Variants in DEPDC5 observed in about 807,000 individuals in gnomAD.
DEPDC5 encodes the protein GATOR1 complex protein DEPDC5.
Under a neutral mutation model 217.3 loss-of-function variants are expected in DEPDC5, and 73 were observed. The ratio of observed to expected loss-of-function variants is 0.34; its 90% CI spans 0.28 to 0.41. The LOEUF (loss-of-function observed/expected upper bound fraction) is 0.41, where lower values mean the gene tolerates loss of function less well. DEPDC5 is among the 10% of genes least tolerant of loss of function. The pLI is 1.00. For synonymous variants in DEPDC5, 733 were observed against 756.7 expected (o/e 0.97, Z 0.51); for missense variants, 1,675 against 2,070.1 (o/e 0.81, Z 3.70).
At chr22:31,861,979 C>T (rs577109294) in intron 33 of DEPDC5, among the ~76,000 whole-genome samples, 10 of 152,366 alleles carry the variant, frequency 6.6e-5, no homozygotes, top group African/African-American at 2.4e-4. Context: ...TGGCTCACGC[C>T]TGTAATCCCA....
At chr22:31,766,327 A>C (rs1279782173) in intron 5 of DEPDC5, among the ~76,000 whole-genome samples, 1 of 152,198 alleles carries the variant, frequency 6.6e-6, no homozygotes, top group Non-Finnish European at 1.5e-5. Flanking sequence ...TCCAGACTAA[A>C]ATACAGAATG....
intron 24 of DEPDC5, among the ~76,000 whole-genome samples, chr22:31,830,630 C>CGTGTGTGTGTGTGTGT (rs34078350): frequency 2.5e-4 from 35 of 142,554 alleles, no homozygotes; most frequent in Admixed American, 5.6e-4. Context: ...TATGCGTGTA[C>CGTGTGTGTGTGTGTGT]GTGTGTGTGT....
chr22:31,766,216 G>C (rs747509685), intron 5 of DEPDC5, among the ~76,000 whole-genome samples: 6 of 152,050 alleles, frequency 3.9e-5, no homozygotes, highest in Non-Finnish European at 7.4e-5. Context: ...TTTTCTTCAA[G>C]AAGTGATGTT....
In DEPDC5 at chr22:31,764,948, C is replaced by G. The variant is rs747092464; in HGVS notation, c.194-27C>G. On this transcript the variant is annotated intron_variant, in intron 4 of 42. Coordinates refer to ENST00000651528, the MANE Select transcript of DEPDC5 (RefSeq NM_001242896.3). ...GATCTGCTTTTTCAAAATATGTTATCTGAGCCAGATATTGTTTCTGTTTTA... is the reference window on the plus strand; with the variant it reads ...GATCTGCTTTTTCAAAATATGTTATGTGAGCCAGATATTGTTTCTGTTTTA... 4.4e-6 allele frequency: 7 copies of G among 1,578,224 alleles called. No homozygotes were observed. The South Asian group carries it at 6.7e-5, about 15-fold the overall frequency.
At chr22:31,861,161 G>A (rs1050248385) in intron 32 of DEPDC5, among the ~76,000 whole-genome samples, 1 of 145,986 alleles carries the variant, frequency 6.8e-6, no homozygotes, top group South Asian at 2.2e-4. Context: ...TCTGGGTGGC[G>A]CTCTCTCTCT....
chr22:31,804,575 G>A (rs1183910084), intron 16 of DEPDC5, among the ~76,000 whole-genome samples: 3 of 152,174 alleles, frequency 2.0e-5, no homozygotes, highest in African/African-American at 7.2e-5. Context: ...GAGTAGCTAT[G>A]ATTACAGGCG....
chr22:31,899,211 C>T (rs533271408), intron 40 of DEPDC5, among the ~76,000 whole-genome samples: 1 of 152,282 alleles, frequency 6.6e-6, no homozygotes. Context: ...AGAAAGGGTC[C>T]CAGTTTAAAG....
At chr22:31,841,185 G>T (rs2091369899) in intron 27 of DEPDC5, among the ~76,000 whole-genome samples, 1 of 152,222 alleles carries the variant, frequency 6.6e-6, no homozygotes, top group Non-Finnish European at 1.5e-5. Context: ...GAAAGTGCTG[G>T]GGTTGGACCT....
At chr22:31,869,215 G>T (rs1237251314) in intron 33 of DEPDC5, among the ~76,000 whole-genome samples, 5 of 150,364 alleles carry the variant, frequency 3.3e-5, no homozygotes, top group African/African-American at 4.9e-5. Context: ...TCCAGCCTGA[G>T]CAAAAGAGGG....
At position 31,755,022 on chromosome 22, in the gene DEPDC5, G is replaced by A. The variant is rs754946675; in HGVS notation, c.58+43G>A. 3.7e-6 allele frequency: 6 copies of A among 1,612,214 alleles called. No individual in the cohort carries two copies. In the African/African-American group the frequency reaches 6.7e-5, roughly 18 times the overall value. ...TTTAGAGGTTTTGTAAGTTGGCTGAGGTTCTGGTGTGTGCAATACCTAGAA... is the reference window on the plus strand; with the variant it reads ...TTTAGAGGTTTTGTAAGTTGGCTGAAGTTCTGGTGTGTGCAATACCTAGAA... On this transcript the variant is annotated intron_variant, in intron 2 of 42. Transcript: ENST00000651528.
chr22:31,889,661 C>A (rs2093397468), intron 38 of DEPDC5, among the ~76,000 whole-genome samples: 1 of 151,520 alleles, frequency 6.6e-6, no homozygotes. Flanking sequence ...CTGCCTCAGC[C>A]TCCCAAGTAG....
intron 8 of DEPDC5, among the ~76,000 whole-genome samples, chr22:31,780,363 G>GGAA (rs2148355543): frequency 6.6e-6 from 1 of 152,216 alleles, no homozygotes; most frequent in African/African-American, 2.4e-5. Flanking sequence ...GGGAAGACAG[G>GGAA]GAAGAAGCAG....
At chr22:31,805,766 T>C (rs895148294) in intron 17 of DEPDC5, among the ~76,000 whole-genome samples, 29 of 152,254 alleles carry the variant, frequency 1.9e-4, no homozygotes, top group African/African-American at 6.7e-4. Context: ...TTTATACTAT[T>C]TGATATCATG....
At chr22:31,822,912 G>T (rs2089833836) in intron 24 of DEPDC5, 122 bp downstream of exon 24, 2 of 991,782 alleles carry the variant, frequency 2.0e-6, no homozygotes, top group Non-Finnish European at 1.5e-6. Context: ...ACACTTTTGG[G>T]TGACCTATTT....
At chr22:31,836,838 C>T in intron 25 of DEPDC5, 134 bp from the exon 26 acceptor site, 1 of 795,552 alleles carries the variant, frequency 1.3e-6, no homozygotes, top group Non-Finnish European at 2.0e-6. Flanking sequence ...TGTTTCTTCC[C>T]AATCCTGGCA....
At chr22:31,761,025 A>G (rs1359508621) in intron 4 of DEPDC5, among the ~76,000 whole-genome samples, 1 of 149,698 alleles carries the variant, frequency 6.7e-6, no homozygotes, top group Non-Finnish European at 1.5e-5. Flanking sequence ...TCTGTCACCC[A>G]GGTTGGAGTG....
At chr22:31,786,971 G>C (rs1469879716) in intron 10 of DEPDC5, among the ~76,000 whole-genome samples, 3 of 151,998 alleles carry the variant, frequency 2.0e-5, no homozygotes, top group African/African-American at 7.2e-5. Context: ...CTAGAGACAG[G>C]GTTTTACCAT....
At chr22:31,897,203 C>A (rs1416816784) in intron 39 of DEPDC5, among the ~76,000 whole-genome samples, 2 of 152,152 alleles carry the variant, frequency 1.3e-5, no homozygotes, top group Admixed American at 1.3e-4. Flanking sequence ...GATTTCAACT[C>A]TCTGCAGACC....
intron 2 of DEPDC5, among the ~76,000 whole-genome samples, chr22:31,756,941 A>AT (rs984696804): frequency 4.0e-5 from 6 of 149,994 alleles, no homozygotes; most frequent in Non-Finnish European, 8.9e-5. Context: ...AAAAATAATA[A>AT]AAAAAAAAGA....
Sources: allele counts gnomAD v4.1 joint callset (sites outside exome capture counted in the v4.1 genomes callset), GRCh38; gene constraint gnomAD v4.1.1; transcripts MANE v1.5; gene names NCBI Gene and HGNC (gene_info 2026-07-23, HGNC 2026-07-21).